PRKCE: variants seen among roughly 807,000 people sequenced by gnomAD.
PRKCE encodes the protein protein kinase C epsilon type.
Under a neutral mutation model 85.4 loss-of-function variants are expected in PRKCE, and 16 were observed. The ratio of observed to expected loss-of-function variants is 0.19; its 90% CI spans 0.13 to 0.28. The LOEUF (loss-of-function observed/expected upper bound fraction) is 0.28, where lower values mean the gene tolerates loss of function less well. PRKCE is among the 10% of genes least tolerant of loss of function. The pLI, the probability that PRKCE is intolerant of heterozygous loss-of-function variation, is 1.00. For missense variants in PRKCE, 573 were observed against 975.2 expected, an observed-to-expected ratio of 0.59 and a Z score of 5.49; for synonymous variants, 388 against 371.5, an observed-to-expected ratio of 1.04 and a Z score of -0.51.
At chr2:46,165,526 G>T (rs1473426886) in intron 14 of PRKCE, among the ~76,000 whole-genome samples, 1 of 152,236 alleles carries the variant, frequency 6.6e-6, no homozygotes, top group East Asian at 1.9e-4. Flanking sequence ...TCCAACCCTA[G>T]AATTCACTGG....
chr2:45,970,587 A>C (rs901068654), intron 2 of PRKCE, among the ~76,000 whole-genome samples: 16 of 152,164 alleles, frequency 1.1e-4, no homozygotes, highest in African/African-American at 3.6e-4. Flanking sequence ...AAGATTAAGA[A>C]GATATGGCAA....
At chr2:45,899,370 A>G (rs898030028) in intron 2 of PRKCE, among the ~76,000 whole-genome samples, 1 of 151,816 alleles carries the variant, frequency 6.6e-6, no homozygotes, top group East Asian at 1.9e-4. Flanking sequence ...AAGTCTTTTT[A>G]AAAAATTTTT....
chr2:45,921,673 A>G (rs1369914383), intron 2 of PRKCE, among the ~76,000 whole-genome samples: 1 of 152,172 alleles, frequency 6.6e-6, no homozygotes, highest in African/African-American at 2.4e-5. Context: ...TGGTTGCTCC[A>G]GTGTTCTGAT....
intron 2 of PRKCE, chr2:45,845,654 A>G (rs776461070): frequency 1.3e-5 from 2 of 152,180 alleles, no homozygotes; most frequent in Non-Finnish European, 2.9e-5. Context: ...GCGCCGAAGG[A>G]TTCTTTTTCT....
At position 46,184,982 on chromosome 2, in the gene PRKCE, C is replaced by T. The variant is rs1003247838; in HGVS notation, c.*101C>T. 56 of 1,460,800 alleles carry T rather than the reference C, an allele frequency of 3.8e-5. 1 individual carries two copies. The East Asian group carries it at 8.9e-4, about 23-fold the overall frequency. 90.5% of individuals were successfully genotyped at this position (1,460,800 alleles called of 1,614,324 possible). ...CAGGTCTTGAACTACTTCTCCTCCT[C>T]GGAGCCCCAGTCCCATGTCCACTGT... On this transcript the variant is annotated 3_prime_UTR_variant, in exon 15 of 15. Coordinates refer to ENST00000306156, the MANE Select transcript of PRKCE (RefSeq NM_005400.3). This position sits in a 1 kb window ranked among gnomAD's most constrained non-coding sequence, Gnocchi z 5.0.
chr2:45,790,420 C>T (rs1285788132), intron 1 of PRKCE, among the ~76,000 whole-genome samples: 1 of 152,250 alleles, frequency 6.6e-6, no homozygotes, highest in East Asian at 1.9e-4. Context: ...AGCCTCAAAT[C>T]TGCTAATAGG....
intron 1 of PRKCE, among the ~76,000 whole-genome samples, chr2:45,671,183 T>C (rs1237967139): frequency 6.6e-6 from 1 of 152,224 alleles, no homozygotes; most frequent in Non-Finnish European, 1.5e-5. Flanking sequence ...TTCAACAATT[T>C]GTACTGTTTT....
chr2:45,837,707 T>A (rs763133327), intron 1 of PRKCE, among the ~76,000 whole-genome samples: 4 of 152,042 alleles, frequency 2.6e-5, no homozygotes, highest in South Asian at 2.1e-4. Context: ...TAACCCCAGC[T>A]TTCTCAGATT....
At chr2:46,105,002 C>G (rs1671580915) in intron 11 of PRKCE, among the ~76,000 whole-genome samples, 1 of 151,416 alleles carries the variant, frequency 6.6e-6, no homozygotes, top group South Asian at 2.1e-4. Context: ...AATAAATGTC[C>G]TCTGTGACAT....
At chr2:45,714,222 A>G (rs907306137) in intron 1 of PRKCE, among the ~76,000 whole-genome samples, 3 of 152,220 alleles carry the variant, frequency 2.0e-5, no homozygotes, top group African/African-American at 4.8e-5. Context: ...ACAAGCCAAT[A>G]CATAAGAACA....
At chr2:45,667,354 C>T (rs1055074444) in intron 1 of PRKCE, among the ~76,000 whole-genome samples, 2 of 152,036 alleles carry the variant, frequency 1.3e-5, no homozygotes, top group African/African-American at 2.4e-5. Context: ...CACTGTGTTC[C>T]CCAGGCTGAT....
intron 10 of PRKCE, among the ~76,000 whole-genome samples, chr2:46,042,113 G>A (rs1044858707): frequency 3.3e-5 from 5 of 152,160 alleles, no homozygotes; most frequent in South Asian, 4.1e-4. Flanking sequence ...GAAAAGAGTC[G>A]GTTAATGTGA....
chr2:45,663,365 A>G (rs1572882314), intron 1 of PRKCE, among the ~76,000 whole-genome samples: 1 of 152,348 alleles, frequency 6.6e-6, no homozygotes, highest in African/African-American at 2.4e-5. Context: ...AACTGTGGGA[A>G]TTCAAAGGAG....
intron 2 of PRKCE, among the ~76,000 whole-genome samples, chr2:45,935,338 G>A (rs1417643055): frequency 1.3e-5 from 2 of 152,140 alleles, no homozygotes; most frequent in Non-Finnish European, 2.9e-5. Flanking sequence ...GATAAGTGGG[G>A]CAGAAGAAAA....
At chr2:45,710,750 A>T (rs1679556163) in intron 1 of PRKCE, among the ~76,000 whole-genome samples, 1 of 152,172 alleles carries the variant, frequency 6.6e-6, no homozygotes, top group Admixed American at 6.5e-5. Flanking sequence ...CCAATCAGAG[A>T]TGCTCAGGCC....
intron 1 of PRKCE, among the ~76,000 whole-genome samples, chr2:45,750,652 C>T (rs1003732989): frequency 2.6e-5 from 4 of 152,234 alleles, no homozygotes; most frequent in African/African-American, 9.6e-5. Context: ...TTATTTAATA[C>T]TGCTATGCCT....
chr2:45,999,079 ATAT>A (rs1704455564), intron 6 of PRKCE, among the ~76,000 whole-genome samples: 1 of 152,220 alleles, frequency 6.6e-6, no homozygotes, highest in Non-Finnish European at 1.5e-5. Flanking sequence ...CACATTACTA[ATAT>A]TATGATTTTG....
intron 9 of PRKCE, among the ~76,000 whole-genome samples, chr2:46,009,309 AG>A (rs895356456): frequency 6.6e-6 from 1 of 152,246 alleles, no homozygotes; most frequent in Admixed American, 6.5e-5. Context: ...CAGAAAGTAA[AG>A]GGTTAGTATC....
chr2:45,961,844 T>C (rs982995011), intron 2 of PRKCE, among the ~76,000 whole-genome samples: 2 of 152,138 alleles, frequency 1.3e-5, no homozygotes, highest in African/African-American at 4.8e-5. Context: ...TACAGGCATG[T>C]GCCGCGAAGC....
Sources: allele counts gnomAD v4.1 joint callset (sites outside exome capture counted in the v4.1 genomes callset), GRCh38; gene constraint gnomAD v4.1.1; non-coding constraint Gnocchi (gnomAD v3.1); transcripts MANE v1.5; gene names NCBI Gene and HGNC (gene_info 2026-07-23, HGNC 2026-07-21).